The following FGF13 variants were observed in gnomAD, a reference collection of about 807,000 sequenced individuals.
FGF13 encodes the protein fibroblast growth factor homologous factor 2.
Under a neutral mutation model 19.5 loss-of-function variants are expected in FGF13, and 2 were observed. That is an observed-to-expected ratio of 0.10 (90% CI 0.04 to 0.32). The LOEUF is 0.32. Ranked by LOEUF, FGF13 falls within the 10% of genes least tolerant of loss-of-function variation. FGF13 has a pLI of 1.00. For synonymous variants in FGF13, 72 were observed against 76.9 expected, an observed-to-expected ratio of 0.94 and a Z score of 0.33; for missense variants, 113 against 192.7, an observed-to-expected ratio of 0.59 and a Z score of 2.45.
intron 3 of FGF13, among the ~76,000 whole-genome samples, chrX:138,847,320 T>C (rs1395466768): frequency 8.9e-6 from 1 of 112,033 alleles, no homozygotes; most frequent in Non-Finnish European, 1.9e-5. Flanking sequence ...TCTAAGGGGC[T>C]ATGCACAGTG....
At chrX:139,161,623 C>T (rs767290822) in intron 1 of FGF13, among the ~76,000 whole-genome samples, 1 of 111,958 alleles carries the variant, frequency 8.9e-6, no homozygotes, top group East Asian at 2.8e-4. Flanking sequence ...TCTGTATGCA[C>T]ATGACATGAT....
chrX:138,881,754 C>T (rs937315945), intron 1 of FGF13, among the ~76,000 whole-genome samples: 6 of 111,506 alleles, frequency 5.4e-5, no homozygotes, highest in African/African-American at 2.0e-4. Flanking sequence ...AGTAATGTCT[C>T]CACTTACATT....
intron 1 of FGF13, among the ~76,000 whole-genome samples, chrX:138,916,955 G>A (rs140705773): frequency 1.8e-5 from 2 of 111,745 alleles, no homozygotes; most frequent in African/African-American, 6.5e-5. Flanking sequence ...GAGGGAGCAC[G>A]AGTGAAGGGA....
chrX:139,203,407 G>A (rs947807660), intron 1 of FGF13: 3 of 108,465 alleles, frequency 2.8e-5, no homozygotes, highest in Admixed American at 1.9e-4. Context: ...GGGCACCAGG[G>A]TTGCTCACCT....
intron 3 of FGF13, among the ~76,000 whole-genome samples, chrX:138,828,668 C>T (rs1167102015): frequency 9.0e-6 from 1 of 110,954 alleles, no homozygotes; most frequent in Non-Finnish European, 1.9e-5. Context: ...ACTAGTAAGG[C>T]TAACATGCCC....
At chrX:138,740,155 T>C (rs1302032728), upstream of FGF13, among the ~76,000 whole-genome samples, 1 of 111,866 alleles carries the variant, frequency 8.9e-6, no homozygotes, top group African/African-American at 3.2e-5. Context: ...AATGGAAATG[T>C]AAGTTATTCT....
At chrX:138,900,777 C>T (rs1224262447) in intron 1 of FGF13, among the ~76,000 whole-genome samples, 3 of 111,507 alleles carry the variant, frequency 2.7e-5, no homozygotes, top group African/African-American at 3.3e-5. Flanking sequence ...TGACATTACC[C>T]CTGGCCACTT....
intron 3 of FGF13, among the ~76,000 whole-genome samples, chrX:138,812,112 C>T (rs900133000): frequency 9.0e-6 from 1 of 111,516 alleles, no homozygotes; most frequent in Non-Finnish European, 1.9e-5. Context: ...AACCTACCAT[C>T]TGTCTCTAGA....
At chrX:139,182,787 C>A (rs2084250550) in intron 1 of FGF13, among the ~76,000 whole-genome samples, 1 of 111,958 alleles carries the variant, frequency 8.9e-6, no homozygotes, top group South Asian at 3.7e-4. Flanking sequence ...CAGTAAAGGC[C>A]TTCTAGGGAA....
chrX:138,881,570 G>T (rs989364648), intron 1 of FGF13, among the ~76,000 whole-genome samples: 1 of 111,385 alleles, frequency 9.0e-6, no homozygotes, highest in Admixed American at 9.5e-5. Flanking sequence ...TTCAAATTAC[G>T]GATTCCATCT....
At chrX:138,675,765 G>C (rs1182601008) in intron 3 of FGF13, among the ~76,000 whole-genome samples, 1 of 111,508 alleles carries the variant, frequency 9.0e-6, no homozygotes, top group Non-Finnish European at 1.9e-5. Context: ...AGATAAGTTA[G>C]ACACTGTCTA....
At chrX:139,039,770 C>T (rs917416504) in intron 1 of FGF13, among the ~76,000 whole-genome samples, 2 of 110,996 alleles carry the variant, frequency 1.8e-5, no homozygotes, top group Non-Finnish European at 3.8e-5. Context: ...GCAACTGTCA[C>T]ATAGCAGGCA....
At chrX:138,947,577 C>T (rs1423357924) in intron 1 of FGF13, among the ~76,000 whole-genome samples, 1 of 111,988 alleles carries the variant, frequency 8.9e-6, no homozygotes, top group Non-Finnish European at 1.9e-5. Context: ...TTTTGCCTCT[C>T]CTGTCATGAG....
At chrX:138,846,102 G>C (rs1332437755) in intron 3 of FGF13, among the ~76,000 whole-genome samples, 1 of 110,618 alleles carries the variant, frequency 9.0e-6, no homozygotes, top group Non-Finnish European at 1.9e-5. Context: ...GACTCCAGTA[G>C]AGGAACCATG....
intron 1 of FGF13, among the ~76,000 whole-genome samples, chrX:138,921,167 A>C (rs2124242633): frequency 8.9e-6 from 1 of 111,987 alleles, no homozygotes; most frequent in Non-Finnish European, 1.9e-5. Context: ...TACCTACCAA[A>C]CCACTAAGTA....
intron 1 of FGF13, among the ~76,000 whole-genome samples, chrX:138,907,205 C>G (rs909882996): frequency 1.8e-5 from 2 of 111,468 alleles, no homozygotes. Flanking sequence ...TAAGGGAATG[C>G]GGACAAGGAG....
chrX:138,728,273 G>C (rs980241085), intron 1 of FGF13, among the ~76,000 whole-genome samples: 1 of 110,928 alleles, frequency 9.0e-6, no homozygotes, highest in African/African-American at 3.3e-5. Context: ...CATTTAAATG[G>C]GGAGTATCTC....
At chrX:138,788,881 C>T (rs183229850) in intron 3 of FGF13, among the ~76,000 whole-genome samples, 1 of 111,655 alleles carries the variant, frequency 9.0e-6, no homozygotes, top group Non-Finnish European at 1.9e-5. Context: ...CATTTCTCTC[C>T]TCTTGAATTT....
At chrX:138,678,305 C>T (rs1416135536) in intron 3 of FGF13, among the ~76,000 whole-genome samples, 1 of 111,141 alleles carries the variant, frequency 9.0e-6, no homozygotes, top group African/African-American at 3.3e-5. Flanking sequence ...CAGCATGGCA[C>T]ATGTATACAT....
Sources: gnomAD v4.1 joint callset for allele counts (sites outside exome capture counted in the v4.1 genomes callset) on GRCh38, gnomAD v4.1.1 for gene constraint, MANE v1.5 for transcripts, NCBI Gene and HGNC (gene_info 2026-07-23, HGNC 2026-07-21) for gene names.